ELMO1: variants seen among roughly 807,000 people sequenced by gnomAD.
ELMO1 encodes the protein engulfment and cell motility 1.
Under a neutral mutation model 98.9 loss-of-function variants are expected in ELMO1, and 26 were observed. The ratio of observed to expected loss-of-function variants is 0.26; its 90% confidence interval spans 0.19 to 0.36. The LOEUF is 0.36. ELMO1 is among the 10% of genes least tolerant of loss of function. The pLI is 1.00. For missense variants in ELMO1, 627 were observed against 935.2 expected, an observed-to-expected ratio of 0.67 and a Z score of 4.30; for synonymous variants, 346 against 346.0, an observed-to-expected ratio of 1.00 and a Z score of 0.00.
chr7:37,316,015 T>TA (rs983248488), intron 2 of ELMO1, 55 bp from the exon 3 acceptor site: 145 of 1,320,460 alleles, frequency 1.1e-4, no homozygotes, highest in Admixed American at 2.2e-4. Flanking sequence ...CATTTTAAAT[T>TA]AAAAAAAAGA....
At chr7:37,033,381 C>A (rs185681903) in intron 15 of ELMO1, 13 of 455,736 alleles carry the variant, frequency 2.9e-5, no homozygotes, top group Middle Eastern at 6.5e-4. Flanking sequence ...ATCGTGTTCA[C>A]GGCAGTGTGA....
chr7:37,213,298 C>T, intron 12 of ELMO1, 37 bp downstream of exon 12: 2 of 1,598,586 alleles, frequency 1.3e-6, no homozygotes, highest in Non-Finnish European at 1.7e-6. Context: ...ACTTTCTGTC[C>T]TTCCTGTGCT....
chr7:37,153,417 C>T (rs1418068435), intron 13 of ELMO1, among the ~76,000 whole-genome samples: 3 of 152,266 alleles, frequency 2.0e-5, no homozygotes, highest in African/African-American at 7.2e-5. Context: ...CCTGGAGGAA[C>T]GGTACACTCC....
At chr7:37,271,992 C>G (rs79756456) in intron 4 of ELMO1, 110 bp from the exon 5 acceptor site, 1 of 881,618 alleles carries the variant, frequency 1.1e-6, no homozygotes, top group Non-Finnish European at 1.8e-6. Context: ...TTTATTCTCA[C>G]TTGAATAATT....
At chr7:37,335,942 G>A (rs573151106) in intron 2 of ELMO1, among the ~76,000 whole-genome samples, 19 of 152,238 alleles carry the variant, frequency 1.2e-4, no homozygotes, top group Admixed American at 7.8e-4. Context: ...ACGCATCTAG[G>A]CAGGGCACTG....
chr7:37,445,058 T>C, intron 1 of ELMO1, among the ~76,000 whole-genome samples: 1 of 152,244 alleles, frequency 6.6e-6, no homozygotes, highest in East Asian at 1.9e-4. Flanking sequence ...TGAGCAATAC[T>C]TTGACATTAA....
intron 7 of ELMO1, among the ~76,000 whole-genome samples, chr7:37,235,017 G>A (rs902655198): frequency 6.6e-6 from 1 of 152,188 alleles, no homozygotes; most frequent in Non-Finnish European, 1.5e-5. Context: ...GGGCAACCTC[G>A]ATCTTACAGG....
chr7:37,028,460 TG>T (rs1197374189), intron 15 of ELMO1, among the ~76,000 whole-genome samples: 3 of 152,206 alleles, frequency 2.0e-5, no homozygotes, highest in Non-Finnish European at 4.4e-5. Flanking sequence ...AATTTATCCA[TG>T]GCAGACATGT....
chr7:37,056,464 T>C (rs1209646507), intron 15 of ELMO1, among the ~76,000 whole-genome samples: 1 of 152,190 alleles, frequency 6.6e-6, no homozygotes, highest in Non-Finnish European at 1.5e-5. Flanking sequence ...GCAGTGTCGG[T>C]GACTGTCAGA....
In ELMO1 at chr7:36,910,091, G is replaced by C. The variant is rs576822627; in HGVS notation, c.1438-15074C>G. On this transcript the variant is annotated intron_variant, in intron 16 of 21. Transcript: ENST00000310758. ...GTAGGGGTGAGGGAGGCACAGATTA[G>C]TATAGAACTCAACTCACACTCACAA... Among the ~76,000 whole-genome samples the C allele has an allele frequency of 2.0e-5, 3 of 152,294 alleles. No homozygotes were observed. The South Asian group carries it at 6.2e-4, about 32-fold the overall frequency.
chr7:36,896,614 C>A (rs1390761487), intron 16 of ELMO1, among the ~76,000 whole-genome samples: 1 of 152,164 alleles, frequency 6.6e-6, no homozygotes, highest in Non-Finnish European at 1.5e-5. Context: ...GTTTCATGCC[C>A]CCAGCATAAT....
chr7:37,025,249 T>C (rs980037507), intron 15 of ELMO1, among the ~76,000 whole-genome samples: 2 of 152,180 alleles, frequency 1.3e-5, no homozygotes, highest in Admixed American at 6.5e-5. Flanking sequence ...GAAAAAATTT[T>C]TTGGAGAGGA....
At chr7:37,141,701 G>A (rs750788347) in intron 13 of ELMO1, among the ~76,000 whole-genome samples, 1 of 152,100 alleles carries the variant, frequency 6.6e-6, no homozygotes, top group Non-Finnish European at 1.5e-5. Flanking sequence ...CTTTCATTTT[G>A]TCCCTGGATA....
intron 15 of ELMO1, among the ~76,000 whole-genome samples, chr7:37,025,347 T>C (rs2129181961): frequency 6.6e-6 from 1 of 152,272 alleles, no homozygotes; most frequent in Non-Finnish European, 1.5e-5. Context: ...CTTCTGGGAG[T>C]GGTATTGATG....
intron 13 of ELMO1, among the ~76,000 whole-genome samples, chr7:37,158,956 A>G (rs1022218035): frequency 6.6e-5 from 10 of 152,198 alleles, no homozygotes; most frequent in Non-Finnish European, 1.5e-4. Context: ...GTATACACCA[A>G]GGAATATTAT....
intron 16 of ELMO1, among the ~76,000 whole-genome samples, chr7:36,999,766 C>T (rs1440217968): frequency 4.6e-5 from 7 of 152,040 alleles, no homozygotes; most frequent in African/African-American, 1.4e-4. Flanking sequence ...GGCTCCATGT[C>T]ATCTTTGTGT....
At chr7:37,392,845 G>A (rs1803138661) in intron 1 of ELMO1, among the ~76,000 whole-genome samples, 1 of 152,200 alleles carries the variant, frequency 6.6e-6, no homozygotes, top group South Asian at 2.1e-4. Flanking sequence ...TGGCTCCCCA[G>A]TCACTAAAAA....
chr7:37,386,426 C>T (rs1802804064), intron 1 of ELMO1, among the ~76,000 whole-genome samples: 1 of 151,976 alleles, frequency 6.6e-6, no homozygotes, highest in African/African-American at 2.4e-5. Context: ...CCTTACAGCC[C>T]TGGACTCACT....
intron 15 of ELMO1, among the ~76,000 whole-genome samples, chr7:37,087,479 T>A (rs1783851676): frequency 6.6e-6 from 1 of 152,134 alleles, no homozygotes; most frequent in Non-Finnish European, 1.5e-5. Context: ...TAGTCCATCA[T>A]CTTTAATGAA....
Sources: allele counts gnomAD v4.1 joint callset (sites outside exome capture counted in the v4.1 genomes callset), GRCh38; gene constraint gnomAD v4.1.1; transcripts MANE v1.5; gene names NCBI Gene and HGNC (gene_info 2026-07-23, HGNC 2026-07-21).